Variants in SMAD5 observed in about 807,000 individuals in gnomAD.
SMAD5 encodes the protein SMAD family member 5.
Under a neutral mutation model 43.1 loss-of-function variants are expected in SMAD5, and 9 were observed. The ratio of observed to expected loss-of-function variants is 0.21; its 90% confidence interval spans 0.13 to 0.36. The LOEUF (loss-of-function observed/expected upper bound fraction) is 0.36. Among genes scored for constraint, SMAD5 ranks in the 10% least tolerant of loss-of-function variants. SMAD5 has a pLI of 1.00. For missense variants in SMAD5, 348 were observed against 574.0 expected, an observed-to-expected ratio of 0.61 and a Z score of 4.02; for synonymous variants, 190 against 192.4, an observed-to-expected ratio of 0.99 and a Z score of 0.10.
At chr5:136,160,504 T>G (rs1224723451) in intron 3 of SMAD5, among the ~76,000 whole-genome samples, 1 of 152,084 alleles carries the variant, frequency 6.6e-6, no homozygotes, top group Non-Finnish European at 1.5e-5. Flanking sequence ...TTACAGTATT[T>G]TGTTTGATTC....
At position 136,177,661 on chromosome 5, in the gene SMAD5, A is replaced by G; in HGVS notation, c.*181A>G. 1 of 548,472 alleles carries G rather than the reference A, an allele frequency of 1.8e-6. No individual in the cohort carries two copies. Among genetic ancestry groups the G allele is most frequent in the South Asian group, 2.7e-5 (1 of 37,558 alleles). 34.0% of individuals were successfully genotyped at this position (548,472 alleles called of 1,614,324 possible). On this transcript the variant is annotated 3_prime_UTR_variant, in exon 8 of 8. Transcript: ENST00000545279. ...TCTACATTTGTTTGTATTCATGTTCATGTGATTAACTCTTAGAAGTGTTGT... is the reference window on the plus strand; with the variant it reads ...TCTACATTTGTTTGTATTCATGTTCGTGTGATTAACTCTTAGAAGTGTTGT...
At chr5:136,134,057 T>TG (rs1752787781) in intron 1 of SMAD5, 1 of 16,592 alleles carries the variant, frequency 6.0e-5, no homozygotes, top group Non-Finnish European at 1.3e-4. Context: ...GGGGGGGTGT[T>TG]GCGGGGGGAG....
intron 3 of SMAD5, among the ~76,000 whole-genome samples, chr5:136,160,071 C>T (rs536094926): frequency 2.6e-4 from 39 of 152,130 alleles, no homozygotes; most frequent in Non-Finnish European, 5.1e-4. Flanking sequence ...TCACTTGGGT[C>T]TTTAGAGAAA....
chr5:136,166,020 T>C (rs1391288532), intron 5 of SMAD5, among the ~76,000 whole-genome samples: 1 of 152,114 alleles, frequency 6.6e-6, no homozygotes, highest in Non-Finnish European at 1.5e-5. Context: ...ACAGTGGATG[T>C]ACCATTTTAT....
chr5:136,143,746 C>G lies in SMAD5; in HGVS notation c.-244-4086C>G, dbSNP rs752343212. Among the ~76,000 whole-genome samples the G allele has an allele frequency of 1.9e-4, 29 of 152,046 alleles. No homozygotes were observed. In the East Asian group the frequency reaches 1.9e-3, roughly 10 times the overall value. The stretch of plus-strand genomic sequence containing the variant: ...TGACAAGCAGTTATTCTTGCCTCAT[C>G]CTTAAGCTCCTATTCACTTAGGTGC... On this transcript the variant is annotated intron_variant, in intron 1 of 7. Transcript: ENST00000545279.
intron 4 of SMAD5, among the ~76,000 whole-genome samples, chr5:136,161,363 T>C (rs983042465): frequency 6.6e-6 from 1 of 152,262 alleles, no homozygotes; most frequent in Non-Finnish European, 1.5e-5. Flanking sequence ...GTACCATTTA[T>C]TGTCTTTTAT....
intron 1 of SMAD5, chr5:136,134,039 G>A (rs1165592151): frequency 2.6e-4 from 3 of 11,354 alleles, no homozygotes. Context: ...TGGAGCTTTG[G>A]GGGGGGGGGG....
chr5:136,142,353 T>A (rs1173204105), intron 1 of SMAD5, among the ~76,000 whole-genome samples: 1 of 152,116 alleles, frequency 6.6e-6, no homozygotes, highest in Non-Finnish European at 1.5e-5. Context: ...TGTAATGTGA[T>A]AGATTCATTT....
chr5:136,152,086 A>T (rs1423319221), intron 2 of SMAD5, among the ~76,000 whole-genome samples: 1 of 152,142 alleles, frequency 6.6e-6, no homozygotes, highest in African/African-American at 2.4e-5. Context: ...GGGCAAGACA[A>T]GGCACAAGGC....
chr5:136,142,360 A>T (rs1753112696), intron 1 of SMAD5, among the ~76,000 whole-genome samples: 1 of 152,100 alleles, frequency 6.6e-6, no homozygotes, highest in Non-Finnish European at 1.5e-5. Flanking sequence ...TGATAGATTC[A>T]TTTGTAATTC....
chr5:136,174,665 C>CT, intron 7 of SMAD5, 33 bp downstream of exon 7: 1 of 1,495,234 alleles, frequency 6.7e-7, no homozygotes, highest in Non-Finnish European at 9.3e-7. Context: ...ATTTGAGTCA[C>CT]TATAAATGTG....
intron 2 of SMAD5, among the ~76,000 whole-genome samples, chr5:136,148,781 A>T (rs112752098): frequency 3.0e-4 from 45 of 151,976 alleles, no homozygotes; most frequent in African/African-American, 1.0e-3. Flanking sequence ...GAATTTTTGC[A>T]AAATCTGTAG....
intron 3 of SMAD5, 75 bp downstream of exon 3, chr5:136,154,238 AT>A: frequency 1.1e-6 from 1 of 874,118 alleles, no homozygotes. Context: ...ATGTAACTAG[AT>A]TTAGTAATGA....
rs1253554754 is a variant in SMAD5, at chr5:136,139,126, CTCTGTG to C, written c.-245+6166_-245+6171del. On this transcript the variant is annotated intron_variant, in intron 1 of 7. Coordinates refer to ENST00000545279, the MANE Select transcript of SMAD5 (RefSeq NM_005903.7). ...TTCACTTTAGAAATCTAGCTGTGAG[CTCTGTG>C]TGTGTGTGTGTGTGTGTGTGTGTGT... Among the ~76,000 whole-genome samples, 1,169 of 139,948 alleles carry C rather than the reference CTCTGTG, an allele frequency of 8.4e-3. 7 individuals are homozygous for C. Among genetic ancestry groups the C allele is most frequent in the African/African-American group, 0.033 (1,081 of 32,298 alleles). 91.8% of individuals were successfully genotyped at this position (139,948 alleles called of 152,430 possible). A position where few individuals can be genotyped will look rare whatever the true frequency, so the allele number is the denominator to read the frequency against.
intron 1 of SMAD5, among the ~76,000 whole-genome samples, chr5:136,140,305 C>G (rs572274655): frequency 1.5e-4 from 23 of 152,132 alleles, no homozygotes; most frequent in Non-Finnish European, 2.9e-4. Flanking sequence ...TAGTGTAAGT[C>G]GAGAACTATC....
chr5:136,169,912 G>C (rs1337789979), intron 5 of SMAD5, among the ~76,000 whole-genome samples: 1 of 152,162 alleles, frequency 6.6e-6, no homozygotes, highest in Non-Finnish European at 1.5e-5. Flanking sequence ...ACCAATCTGT[G>C]AGTCTGTGGT....
Position 136,173,941 on chromosome 5 carries a change from T to C in SMAD5, c.998-435T>C, listed in dbSNP as rs75918490. On this transcript the variant is annotated intron_variant, in intron 6 of 7. Transcript: ENST00000545279. ...TGACCTGAAATTATATATGTAACTT[T>C]GGTTTTTTTTTAGTGTTGCTGTCCT... Among the ~76,000 whole-genome samples the C allele has an allele frequency of 2.4e-3, 362 of 151,962 alleles. 1 individual carries two copies. In the East Asian group the frequency reaches 0.028, roughly 12 times the overall value.
chr5:136,146,284 G>A (rs2149763561), intron 1 of SMAD5, among the ~76,000 whole-genome samples: 1 of 151,988 alleles, frequency 6.6e-6, no homozygotes, highest in East Asian at 1.9e-4. Flanking sequence ...CCAGTAATCT[G>A]TAATGTGTAA....
intron 1 of SMAD5, among the ~76,000 whole-genome samples, chr5:136,135,216 G>A (rs1025507136): frequency 6.6e-6 from 1 of 152,220 alleles, no homozygotes; most frequent in Non-Finnish European, 1.5e-5. Flanking sequence ...GTTGTTTACT[G>A]TTGGTTATGT....
Sources: allele counts gnomAD v4.1 joint callset (sites outside exome capture counted in the v4.1 genomes callset), GRCh38; gene constraint gnomAD v4.1.1; transcripts MANE v1.5; gene names NCBI Gene and HGNC (gene_info 2026-07-23, HGNC 2026-07-21).